Variants in OPN1SW observed in about 807,000 individuals in gnomAD.
OPN1SW encodes the protein short-wave-sensitive opsin 1.
In OPN1SW, 25 loss-of-function variants were observed where a neutral mutation model predicts 31.9. The ratio of observed to expected loss-of-function variants is 0.78; its 90% CI spans 0.57 to 1.09. The LOEUF (loss-of-function observed/expected upper bound fraction) is 1.09. OPN1SW is among the 50% of genes least tolerant of loss of function. The probability of loss-of-function intolerance (pLI) is 0.00; values close to 1 mark genes in which losing one functional copy is unlikely to be tolerated. For missense variants in OPN1SW, 424 were observed against 448.0 expected (o/e 0.95, Z 0.48); for synonymous variants, 190 against 171.9 (o/e 1.11, Z -0.82).
intron 1 of OPN1SW, 42 bp downstream of exon 1, chr7:128,775,397 G>A: frequency 2.5e-6 from 4 of 1,574,876 alleles, no homozygotes; most frequent in Non-Finnish European, 3.5e-6. Flanking sequence ...CAGTGGAGTA[G>A]CAACCTTTGC....
Position 128,772,550 on chromosome 7 carries a change from C to A in OPN1SW, c.1028G>T (p.Gly343Val), listed in dbSNP as rs2128885271. 5.0e-6 allele frequency: 8 copies of A among 1,614,144 alleles called. No homozygotes were observed. The African/African-American group carries it at 5.3e-5, about 11-fold the overall frequency. Reference protein sequence around the residue: ...EVSTVSSTQVGPN With the variant: ...EVSTVSSTQVVPN ...GCCAATATTGGGTCCTCAGTTGGGG[C>A]CAACTTGGGTAGACGAGACAGTAGA... The change falls in exon 5 of 5, where the codon GGC (glycine) becomes GTC (valine). Residue 343 changes from glycine (G) to valine (V), a missense_variant. Gly to Val is a moderately radical substitution (Grantham distance 109, BLOSUM62 -3). Transcript: ENST00000249389.
Position 128,772,488 on chromosome 7 carries a change from C to T in OPN1SW, c.*52G>A. 1 of 1,611,796 alleles carries T rather than the reference C, an allele frequency of 6.2e-7. No homozygotes were observed. The highest frequency in any genetic ancestry group is 2.2e-5 in the East Asian group (1 of 44,822). ...TTCTGACGGAGACAATAGAAACTTA[C>T]TTAAAAGTAAAATTTAATTCTAGCT... On this transcript the variant is annotated 3_prime_UTR_variant, in exon 5 of 5. Transcript: ENST00000249389.
At position 128,775,599 on chromosome 7, in the gene OPN1SW, CT is replaced by C; in HGVS notation, c.182del (p.Lys61SerfsTer53). 6.2e-7 allele frequency: 1 copy of C among 1,614,190 alleles called. No homozygotes were observed. The highest frequency in any genetic ancestry group is 8.5e-7 in the Non-Finnish European group (1 of 1,180,020). Reference sequence around the variant, plus strand: ...GAATGTAGTTGAGGGGCTGCCGCAACTTTTTGTAGCGCAGTGTGGCCACCAG... The same window carrying C: ...GAATGTAGTTGAGGGGCTGCCGCAACTTTTGTAGCGCAGTGTGGCCACCAG... ...MVLVATLRYK[K>X]LRQPLNYILV... On this transcript the variant is annotated frameshift_variant, in exon 1 of 5. Transcript: ENST00000249389. LOFTEE classifies it high-confidence loss of function.
Position 128,774,645 on chromosome 7 carries a change from C to T in OPN1SW, c.531G>A (p.Leu177=). The T allele has an allele frequency of 6.2e-7, 1 of 1,614,152 alleles. No individual in the cohort carries two copies. Among genetic ancestry groups the T allele is most frequent in the Admixed American group, 1.7e-5 (1 of 60,020 alleles). The change falls in exon 3 of 5, where the codon CTG becomes CTA. Residue 177 remains leucine, a synonymous_variant. Transcript: ENST00000249389. The stretch of plus-strand genomic sequence containing the variant: ...ACCAGTCAGGGCCACAGGAACACTG[C>T]AGGCCCTCAGGGATGAACCTGCAAA... ...FGWSRFIPEG[L]QCSCGPDWYT...
chr7:128,772,517 G>T lies in OPN1SW; in HGVS notation c.*23C>A. Reference sequence around the variant, plus strand: ...AAAGTAAAATTTAATTCTAGCTGTTGCAAACAGGCCAATATTGGGTCCTCA... The same window carrying T: ...AAAGTAAAATTTAATTCTAGCTGTTTCAAACAGGCCAATATTGGGTCCTCA... On this transcript the variant is annotated 3_prime_UTR_variant, in exon 5 of 5. Transcript: ENST00000249389. 1 of 1,614,022 alleles carries T rather than the reference G, an allele frequency of 6.2e-7. No individual in the cohort carries two copies. The highest frequency in any genetic ancestry group is 1.1e-5 in the South Asian group (1 of 91,080).
rs775951590 is a variant in OPN1SW at position 128,774,991 on chromosome 7, C to G, written c.507G>C (p.Trp169Cys). 2 of 1,614,098 alleles carry G rather than the reference C, an allele frequency of 1.2e-6. No homozygotes were observed. Among genetic ancestry groups the G allele is most frequent in the East Asian group, 4.5e-5 (2 of 44,888 alleles). Reference sequence around the variant, plus strand: ...CCACTGCCCTGCACTCTCACCGGCTCCAGCCAAAGAAGGGTGGGATGGAGA... The same window carrying G: ...CCACTGCCCTGCACTCTCACCGGCTGCAGCCAAAGAAGGGTGGGATGGAGA... ...IGVSIPPFFG[W>C]SRFIPEGLQC... Residue 169 changes from tryptophan (W) to cysteine (C), a missense_variant, in exon 2 of 5, where the codon TGG (tryptophan) becomes TGC (cysteine). Transcript: ENST00000249389.
rs965398061 is a variant in OPN1SW, at chr7:128,774,872, T to G, written c.512+114A>C. 363 of 1,449,132 alleles carry G rather than the reference T, an allele frequency of 2.5e-4. 1 individual carries two copies. Among genetic ancestry groups the G allele is most frequent in the Admixed American group, 1.9e-4 (10 of 53,958 alleles). 89.8% of individuals were successfully genotyped at this position (1,449,132 alleles called of 1,614,324 possible). On this transcript the variant is annotated intron_variant, in intron 2 of 4. Coordinates refer to ENST00000249389, the MANE Select transcript of OPN1SW (RefSeq NM_001385125.1). ...TCTCCCACTGCCCTTTCGCCTCATA[T>G]TGCAACTCTTTAAAAGTAGAGGTCA... is the stretch of plus-strand genomic sequence containing the variant.
Position 128,773,744 on chromosome 7 carries a change from G to A in OPN1SW, c.823C>T (p.His275Tyr). 1 of 1,614,216 alleles carries A rather than the reference G, an allele frequency of 6.2e-7. No individual in the cohort carries two copies. Among genetic ancestry groups the A allele is most frequent in the Non-Finnish European group, 8.5e-7 (1 of 1,180,040 alleles). The stretch of plus-strand genomic sequence containing the variant: ...GTGACAAGCCGTAAGTCCAGCCCAT[G>A]GTTACGGTTGTTGACCATGTACATG... The part of the protein sequence containing the change: ...FAMYMVNNRN[H>Y]GLDLRLVTIP... Residue 275 changes from histidine (H) to tyrosine (Y), a missense_variant, in exon 4 of 5, where the codon CAT becomes TAT. Coordinates refer to ENST00000249389, the MANE Select transcript of OPN1SW (RefSeq NM_001385125.1).
At chr7:128,774,789 C>T in intron 2 of OPN1SW, 126 bp from the exon 3 acceptor site, 1 of 1,421,018 alleles carries the variant, frequency 7.0e-7, no homozygotes, top group Non-Finnish European at 9.7e-7. Context: ...GGGGGGTTTT[C>T]TGTCCTGACT....
chr7:128,774,828 G>C (rs1390256544), intron 2 of OPN1SW, among the ~76,000 whole-genome samples, 158 bp downstream of exon 2: 1 of 152,246 alleles, frequency 6.6e-6, no homozygotes, highest in Non-Finnish European at 1.5e-5. Context: ...TCCAACTGCA[G>C]AGTAAACGTT....
Position 128,775,054 on chromosome 7 carries a change from C to T in OPN1SW, c.444G>A (p.Leu148=). 6.2e-7 allele frequency: 1 copy of T among 1,614,246 alleles called. No individual in the cohort carries two copies. Among genetic ancestry groups the T allele is most frequent in the Non-Finnish European group, 8.5e-7 (1 of 1,180,048 alleles). ...GNFRFSSKHA[L]TVVLATWTIG... is the part of the protein sequence containing the mutation. ...TGGTCCAGGTAGCCAGGACCACCGT[C>T]AGTGCATGCTTGGAGCTGAAGCGGA... Residue 148 remains leucine (L), a synonymous_variant, in exon 2 of 5, where the codon CTG becomes CTA. Coordinates refer to ENST00000249389, the MANE Select transcript of OPN1SW (RefSeq NM_001385125.1).
chr7:128,772,725 T>C (rs1801637603), intron 4 of OPN1SW, 66 bp from the exon 5 acceptor site: 3 of 1,603,872 alleles, frequency 1.9e-6, no homozygotes, highest in Non-Finnish European at 2.6e-6. Context: ...AAAGACCTTA[T>C]TCTCTGTATC....
chr7:128,773,914 C>T (rs766593404), intron 3 of OPN1SW, 26 bp from the exon 4 acceptor site: 1 of 1,600,572 alleles, frequency 6.2e-7, no homozygotes, highest in Non-Finnish European at 8.5e-7. Flanking sequence ...GAAAGCATCA[C>T]ATCTCTCTTT....
At position 128,775,480 on chromosome 7, in the gene OPN1SW, C is replaced by T. The variant is rs775018062; in HGVS notation, c.302G>A (p.Arg101His). The change falls in exon 1 of 5, where the codon CGC (arginine) becomes CAC (histidine). Residue 101 changes from arginine to histidine, a missense_variant. Arg to His is a conservative substitution (Grantham distance 29). Transcript: ENST00000249389. ...ASCNGYFVFG[R>H]HVCALEGFLG... Reference sequence around the variant, plus strand: ...GAAGCCCTCCAAAGCACAAACATGGCGACCGAAGACGAAGTATCCGTTACA... The same window carrying T: ...GAAGCCCTCCAAAGCACAAACATGGTGACCGAAGACGAAGTATCCGTTACA... 126 of 1,613,694 alleles carry T rather than the reference C, an allele frequency of 7.8e-5. 1 individual carries two copies. The Admixed American group carries it at 1.8e-3, about 22-fold the overall frequency.
rs769238341 is a variant in OPN1SW, at chr7:128,772,505, A to T, written c.*35T>A. The T allele has an allele frequency of 6.2e-7, 1 of 1,613,792 alleles. No individual in the cohort carries two copies. The highest frequency in any genetic ancestry group is 2.2e-5 in the East Asian group (1 of 44,870). Reference sequence around the variant, plus strand: ...GAAACTTACTTAAAAGTAAAATTTAATTCTAGCTGTTGCAAACAGGCCAAT... The same window carrying T: ...GAAACTTACTTAAAAGTAAAATTTATTTCTAGCTGTTGCAAACAGGCCAAT... On this transcript the variant is annotated 3_prime_UTR_variant, in exon 5 of 5. Coordinates refer to ENST00000249389, the MANE Select transcript of OPN1SW (RefSeq NM_001385125.1).
At chr7:128,775,227 C>T (rs909414793) in intron 1 of OPN1SW, 73 bp from the exon 2 acceptor site, 49 of 1,524,812 alleles carry the variant, frequency 3.2e-5, no homozygotes, top group South Asian at 2.5e-4. Flanking sequence ...GCAAACAGAT[C>T]GGGTGGAGCA....
chr7:128,772,788 A>T (rs1801641486), intron 4 of OPN1SW, 129 bp from the exon 5 acceptor site: 2 of 1,227,362 alleles, frequency 1.6e-6, no homozygotes, highest in South Asian at 1.3e-5. Context: ...GTGGTTTTGA[A>T]TCTATCTTCC....
rs1208772720 is a variant in OPN1SW, at chr7:128,774,404, A to G, written c.678+94T>C. The G allele has an allele frequency of 1.1e-5, 16 of 1,512,508 alleles. No homozygotes were observed. In the East Asian group the frequency reaches 3.6e-4, roughly 34 times the overall value. 93.7% of individuals were successfully genotyped at this position (1,512,508 alleles called of 1,614,324 possible). On this transcript the variant is annotated intron_variant, in intron 3 of 4. Transcript: ENST00000249389. ...CTGCTTTTAGATACCCTCTCTGGCT[A>G]TGGACATTTCCAGGCATCTTATGTT...
At chr7:128,773,291 TTTTA>T (rs1801668634) in intron 4 of OPN1SW, among the ~76,000 whole-genome samples, 1 of 152,216 alleles carries the variant, frequency 6.6e-6, no homozygotes, top group African/African-American at 2.4e-5. Flanking sequence ...ATTTTTTTAA[TTTTA>T]TTTAAGTTCC....
Sources: gnomAD v4.1 joint callset for allele counts (sites outside exome capture counted in the v4.1 genomes callset) on GRCh38, gnomAD v4.1.1 for gene constraint, MANE v1.5 for transcripts, NCBI Gene and HGNC (gene_info 2026-07-23, HGNC 2026-07-21) for gene names.